The following PPP1CB variants were observed in gnomAD, a reference collection of about 807,000 sequenced individuals.
PPP1CB encodes the protein serine/threonine-protein phosphatase PP1-beta catalytic subunit.
Under a neutral mutation model 43.7 loss-of-function variants are expected in PPP1CB, and 2 were observed. The ratio of observed to expected loss-of-function variants is 0.05; its 90% CI spans 0.02 to 0.14. The LOEUF (loss-of-function observed/expected upper bound fraction) is 0.14. PPP1CB is among the 10% of genes least tolerant of loss of function. The pLI is 1.00. For synonymous variants in PPP1CB, 136 were observed against 135.6 expected (o/e 1.00, Z -0.02); for missense variants, 84 against 398.0 (o/e 0.21, Z 6.71).
At chr2:28,755,029 GTAT>G (rs544590775) in intron 1 of PPP1CB, among the ~76,000 whole-genome samples, 90 of 152,070 alleles carry the variant, frequency 5.9e-4, no homozygotes, top group African/African-American at 2.1e-3. Flanking sequence ...TTAGGTGGGC[GTAT>G]TATTGATAAG....
intron 7 of PPP1CB, among the ~76,000 whole-genome samples, chr2:28,795,504 A>G (rs1667481258): frequency 6.6e-6 from 1 of 152,110 alleles, no homozygotes; most frequent in Non-Finnish European, 1.5e-5. Flanking sequence ...ACTTTTTATT[A>G]ATGGCCATTC....
intron 1 of PPP1CB, among the ~76,000 whole-genome samples, chr2:28,763,855 G>A (rs530750156): frequency 2.8e-4 from 42 of 152,084 alleles, no homozygotes; most frequent in Non-Finnish European, 4.7e-4. Context: ...ACAGGTGCGC[G>A]CCACCACACC....
At chr2:28,763,013 T>A (rs915032392) in intron 1 of PPP1CB, among the ~76,000 whole-genome samples, 3 of 152,226 alleles carry the variant, frequency 2.0e-5, no homozygotes, top group Non-Finnish European at 1.5e-5. Flanking sequence ...TTGTTCATGT[T>A]CACGTGTATC....
chr2:28,752,277 C>T (rs1300782963), intron 1 of PPP1CB, 101 bp downstream of exon 1: 4 of 1,130,344 alleles, frequency 3.5e-6, no homozygotes, highest in Non-Finnish European at 2.5e-6. Context: ...CCTTTCCCGC[C>T]CCGAGACGAG....
rs569217030 is a variant in PPP1CB, at chr2:28,760,501, A to C, written c.52+8325A>C. ...ATGCTTTGTAGCCTAAGAGCAATAG[A>C]CTATACCATCTAGGTTTGTGTAAGT... is the stretch of plus-strand genomic sequence containing the variant. On this transcript the variant is annotated intron_variant, in intron 1 of 7. Transcript: ENST00000395366. Among the ~76,000 whole-genome samples the C allele has an allele frequency of 5.2e-4, 79 of 152,332 alleles. 1 individual carries two copies. The South Asian group carries it at 0.015, about 30-fold the overall frequency.
At chr2:28,796,568 C>A (rs899513122) in intron 7 of PPP1CB, among the ~76,000 whole-genome samples, 20 of 152,012 alleles carry the variant, frequency 1.3e-4, no homozygotes, top group African/African-American at 4.3e-4. Flanking sequence ...TGATTTGGCT[C>A]TCAGCTTGGA....
At chr2:28,784,029 G>T in intron 5 of PPP1CB, 51 bp downstream of exon 5, 2 of 1,377,358 alleles carry the variant, frequency 1.5e-6, no homozygotes, top group South Asian at 1.2e-5. Flanking sequence ...TTTCATATTT[G>T]AACTTGATTA....
chr2:28,776,828 CTG>C lies in PPP1CB; in HGVS notation c.53-21_53-20del, dbSNP rs538285254. On this transcript the variant is annotated intron_variant, in intron 1 of 7. Transcript: ENST00000395366. The stretch of plus-strand genomic sequence containing the variant: ...TTATGAGTAAATTTTAGAAAACTGA[CTG>C]TTTTATTTATCGTTTGTCAGTACGA... The C allele has an allele frequency of 5.1e-4, 798 of 1,576,838 alleles. 6 individuals are homozygous for C. The African/African-American group carries it at 9.9e-3, about 20-fold the overall frequency.
chr2:28,752,096 T>G lies in PPP1CB; in HGVS notation c.-29T>G. ...GCCGCCGAGAAGCCCTTGTTCCCGC[T>G]GCTGGGAAGGAGAGTCTGTGCCGAC... On this transcript the variant is annotated 5_prime_UTR_variant, in exon 1 of 8. Transcript: ENST00000395366. 1 of 1,549,152 alleles carries G rather than the reference T, an allele frequency of 6.5e-7. No individual in the cohort carries two copies. The highest frequency in any genetic ancestry group is 8.7e-7 in the Non-Finnish European group (1 of 1,145,556).
At chr2:28,753,982 C>T (rs2148452306) in intron 1 of PPP1CB, among the ~76,000 whole-genome samples, 1 of 152,280 alleles carries the variant, frequency 6.6e-6, no homozygotes, top group South Asian at 2.1e-4. Context: ...GTGATCCACC[C>T]GCTTCAGCCT....
chr2:28,795,112 C>T (rs1039084695), intron 7 of PPP1CB, among the ~76,000 whole-genome samples: 7 of 152,182 alleles, frequency 4.6e-5, no homozygotes, highest in African/African-American at 1.7e-4. Context: ...TCTCTTCCTG[C>T]ATTAATTGGC....
At chr2:28,778,609 A>G (rs1216532389) in intron 2 of PPP1CB, 200 bp from the exon 3 acceptor site, 2 of 569,572 alleles carry the variant, frequency 3.5e-6, no homozygotes, top group East Asian at 2.9e-5. Flanking sequence ...TGCAAGCAAG[A>G]TGAAAGTCAC....
intron 7 of PPP1CB, among the ~76,000 whole-genome samples, chr2:28,794,747 G>A (rs559448151): frequency 2.0e-5 from 3 of 152,074 alleles, no homozygotes; most frequent in South Asian, 2.1e-4. Flanking sequence ...TAAACTACCC[G>A]TTTATGTCAC....
At chr2:28,762,498 CTG>C (rs1432221363) in intron 1 of PPP1CB, among the ~76,000 whole-genome samples, 2 of 152,144 alleles carry the variant, frequency 1.3e-5, no homozygotes, top group Non-Finnish European at 2.9e-5. Context: ...TGAAGAAAGT[CTG>C]TAGTCCTACA....
chr2:28,776,820 A>T (rs1367002597), intron 1 of PPP1CB, 31 bp from the exon 2 acceptor site: 2 of 1,573,952 alleles, frequency 1.3e-6, no homozygotes, highest in Non-Finnish European at 1.7e-6. Context: ...TAAATTTTAG[A>T]AAACTGACTG....
At chr2:28,788,389 G>A (rs911404149) in intron 5 of PPP1CB, among the ~76,000 whole-genome samples, 1 of 152,208 alleles carries the variant, frequency 6.6e-6, no homozygotes. Context: ...ATGTATTGTT[G>A]TGCTGTAAGT....
At chr2:28,770,135 T>C (rs2148043782) in intron 1 of PPP1CB, among the ~76,000 whole-genome samples, 1 of 151,968 alleles carries the variant, frequency 6.6e-6, no homozygotes, top group East Asian at 1.9e-4. Context: ...TGGGCGTGGG[T>C]GCCTGTAATC....
chr2:28,786,286 G>A (rs1051462342), intron 5 of PPP1CB, among the ~76,000 whole-genome samples: 2 of 151,960 alleles, frequency 1.3e-5, no homozygotes, highest in Non-Finnish European at 2.9e-5. Context: ...GCTAATTTTT[G>A]TATGTTTAAT....
chr2:28,774,630 T>C (rs1452914637), intron 1 of PPP1CB, among the ~76,000 whole-genome samples: 1 of 152,150 alleles, frequency 6.6e-6, no homozygotes, highest in Non-Finnish European at 1.5e-5. Flanking sequence ...TTCACCACGT[T>C]GGCTAGGCTG....
Sources: allele counts gnomAD v4.1 joint callset (sites outside exome capture counted in the v4.1 genomes callset), GRCh38; gene constraint gnomAD v4.1.1; transcripts MANE v1.5; gene names NCBI Gene and HGNC (gene_info 2026-07-23, HGNC 2026-07-21).